The following FAM20C variants were observed in gnomAD, a reference collection of about 807,000 sequenced individuals.
FAM20C encodes the protein extracellular serine/threonine protein kinase FAM20C.
In FAM20C, 40 loss-of-function variants were observed where a neutral mutation model predicts 51.5. The ratio of observed to expected loss-of-function variants is 0.78; its 90% CI spans 0.60 to 1.01. The LOEUF (loss-of-function observed/expected upper bound fraction) is 1.01, where lower values mean the gene tolerates loss of function less well. Among genes scored for constraint, FAM20C ranks in the 50% least tolerant of loss-of-function variants. The probability of loss-of-function intolerance (pLI) is 0.00; values close to 1 mark genes in which losing one functional copy is unlikely to be tolerated. For synonymous variants in FAM20C, 406 were observed against 380.6 expected, an observed-to-expected ratio of 1.07 and a Z score of -0.78; for missense variants, 861 against 844.7, an observed-to-expected ratio of 1.02 and a Z score of -0.24.
At chr7:245,294 G>T in intron 3 of FAM20C, among the ~76,000 whole-genome samples, 1 of 103,336 alleles carries the variant, frequency 9.7e-6, no homozygotes, top group South Asian at 2.7e-4. Flanking sequence ...GGGGATTCCC[G>T]CCAGCTCTGG....
At chr7:258,576 G>C in intron 8 of FAM20C, 70 bp from the exon 9 acceptor site, 1 of 1,487,850 alleles carries the variant, frequency 6.7e-7, no homozygotes, top group Non-Finnish European at 9.1e-7. Flanking sequence ...CCATGGCCCA[G>C]CTCCCAGCCC....
In FAM20C at chr7:216,706, A is replaced by AGTGTGTGTGT. The variant is rs140397697; in HGVS notation, c.863+7741_863+7750dup. The stretch of plus-strand genomic sequence containing the variant: ...GAGAGTGTGTGTGTGTGTGAGACAG[A>AGTGTGTGTGT]GTGTGTGTGTGTGTGTGTGTCCGTC... On this transcript the variant is annotated intron_variant, in intron 3 of 9. Transcript: ENST00000313766. 3.4e-5 allele frequency among the ~76,000 whole-genome samples: 5 copies of AGTGTGTGTGT among 148,406 alleles called. No homozygotes were observed. The East Asian group carries it at 1.0e-3, about 30-fold the overall frequency.
At chr7:233,816 G>T (rs1787771384) in intron 3 of FAM20C, among the ~76,000 whole-genome samples, 1 of 152,214 alleles carries the variant, frequency 6.6e-6, no homozygotes, top group South Asian at 2.1e-4. Context: ...GCCACGAAAG[G>T]CCTGGGAGAG....
chr7:202,248 C>T (rs1444078951), intron 2 of FAM20C, among the ~76,000 whole-genome samples: 3 of 151,562 alleles, frequency 2.0e-5, no homozygotes, highest in Non-Finnish European at 4.4e-5. Context: ...TGGACATCTT[C>T]CCGTGTGCAT....
Position 260,227 on chromosome 7 carries a change from A to T in FAM20C, c.*247A>T. ...GACAGAGGCGGCCGGCGCCGGAGGC[A>T]TTCCATCCTTTCTGTAGGGAAAGGA... On this transcript the variant is annotated 3_prime_UTR_variant, in exon 10 of 10. Coordinates refer to ENST00000313766, the MANE Select transcript of FAM20C (RefSeq NM_020223.4). The T allele has an allele frequency of 2.2e-6, 1 of 461,508 alleles. No homozygotes were observed. Among genetic ancestry groups the T allele is most frequent in the Non-Finnish European group, 3.8e-6 (1 of 265,126 alleles). 28.6% of individuals were successfully genotyped at this position (461,508 alleles called of 1,614,324 possible). A position where few individuals can be genotyped will look rare whatever the true frequency, so the allele number is the denominator to read the frequency against.
intron 9 of FAM20C, 120 bp from the exon 10 acceptor site, chr7:259,605 TGTCCCC>T: frequency 1.0e-6 from 1 of 972,712 alleles, no homozygotes; most frequent in Non-Finnish European, 1.3e-6. Context: ...TCTCTGTCTC[TGTCCCC>T]CTCTTTCTCT....
At position 241,090 on chromosome 7, in the gene FAM20C, G is replaced by T. The variant is rs967014823; in HGVS notation, c.864-5325G>T. Among the ~76,000 whole-genome samples, 203 of 152,206 alleles carry T rather than the reference G, an allele frequency of 1.3e-3. 1 individual carries two copies. The highest frequency in any genetic ancestry group is 4.4e-3 in the African/African-American group (182 of 41,508). On this transcript the variant is annotated intron_variant, in intron 3 of 9. Transcript: ENST00000313766. ...GCTGGGGTGAGCTTCGGGGTGAATT[G>T]TCCTAAAGGGGTGGTTTGTTGGAAG...
At chr7:248,898 A>C (rs1309130985) in intron 5 of FAM20C, among the ~76,000 whole-genome samples, 1 of 151,862 alleles carries the variant, frequency 6.6e-6, no homozygotes, top group East Asian at 1.9e-4. Context: ...GCCCCCTTCC[A>C]CACCAGGGTG....
intron 3 of FAM20C, among the ~76,000 whole-genome samples, chr7:211,866 C>CCA (rs1786734895): frequency 6.6e-6 from 1 of 152,214 alleles, no homozygotes; most frequent in Admixed American, 6.5e-5. Flanking sequence ...GGCAGGGACC[C>CCA]CACACCTCAG....
intron 6 of FAM20C, 138 bp downstream of exon 6, chr7:256,167 G>C: frequency 9.2e-7 from 1 of 1,089,492 alleles, no homozygotes; most frequent in Non-Finnish European, 1.3e-6. Context: ...TGGCCTGTGT[G>C]AGATGACCGC....
At chr7:212,005 A>G (rs1284000260) in intron 3 of FAM20C, among the ~76,000 whole-genome samples, 1 of 152,152 alleles carries the variant, frequency 6.6e-6, no homozygotes, top group African/African-American at 2.4e-5. Flanking sequence ...TGGATCTGTC[A>G]TTGATGGAGG....
At chr7:193,834 C>A (rs1392724314) in intron 1 of FAM20C, 30 bp downstream of exon 1, 4 of 1,545,846 alleles carry the variant, frequency 2.6e-6, no homozygotes, top group Admixed American at 1.9e-5. Flanking sequence ...TGCCCACCCC[C>A]AAGGGAGCCG....
chr7:211,803 G>A (rs963011191), intron 3 of FAM20C, among the ~76,000 whole-genome samples: 12 of 152,220 alleles, frequency 7.9e-5, no homozygotes, highest in East Asian at 1.9e-4. Context: ...AGGCCGTGGC[G>A]TCCAGAGGCT....
chr7:241,556 T>TTGTGTGTGTGTG (rs1221493976), intron 3 of FAM20C, among the ~76,000 whole-genome samples: 6 of 148,952 alleles, frequency 4.0e-5, no homozygotes, highest in African/African-American at 1.5e-4. Context: ...TCTGTGGGGG[T>TTGTGTGTGTGTG]TGTGTGTGTG....
chr7:247,342 G>C (rs1487098792), intron 4 of FAM20C, among the ~76,000 whole-genome samples: 1 of 152,162 alleles, frequency 6.6e-6, no homozygotes, highest in Non-Finnish European at 1.5e-5. Flanking sequence ...ACCTTGCCCT[G>C]GTGCAGTGGA....
rs957382509 is a variant in FAM20C at position 255,956 on chromosome 7, G to A, written c.1180G>A (p.Asp394Asn). 26 of 1,536,080 alleles carry A rather than the reference G, an allele frequency of 1.7e-5. No individual in the cohort carries two copies. Among genetic ancestry groups the A allele is most frequent in the African/African-American group, 8.2e-5 (6 of 73,040 alleles). The change falls in exon 6 of 10, where the codon GAC (aspartate) becomes AAC (asparagine). Residue 394 changes from aspartate to asparagine, a missense_variant. Asp to Asn is a conservative substitution (Grantham distance 23). Coordinates refer to ENST00000313766, the MANE Select transcript of FAM20C (RefSeq NM_020223.4). Reference protein sequence around the residue: ...IEGSLAAFLPDLSLAKRKTWR... With the variant: ...IEGSLAAFLPNLSLAKRKTWR... ...GGGCTCGCTGGCGGCCTTCCTGCCC[G>A]ACCTGTCCCTGGCCAAGAGGAAGAC...
chr7:243,936 A>AT (rs1181326359), intron 3 of FAM20C, among the ~76,000 whole-genome samples: 260 of 129,752 alleles, frequency 2.0e-3, no homozygotes, highest in Non-Finnish European at 2.5e-3. Context: ...AATAATAATA[A>AT]TAATAATAAT....
chr7:194,837 G>A (rs1785771372), intron 1 of FAM20C, among the ~76,000 whole-genome samples: 1 of 151,174 alleles, frequency 6.6e-6, no homozygotes, highest in African/African-American at 2.4e-5. Flanking sequence ...TCAGCTTTAG[G>A]TGAATTCGAG....
rs556022834 is a variant in FAM20C, at chr7:210,360, G to C, written c.863+1384G>C. Among the ~76,000 whole-genome samples the C allele has an allele frequency of 1.2e-3, 182 of 152,288 alleles. 3 individuals are homozygous for C. The highest frequency in any genetic ancestry group is 4.3e-3 in the African/African-American group (179 of 41,564). On this transcript the variant is annotated intron_variant, in intron 3 of 9. Coordinates refer to ENST00000313766, the MANE Select transcript of FAM20C (RefSeq NM_020223.4). ...GAGAGATGGCGTCGCCCGGAGACCT[G>C]AGGGTCTCCTGGGTTACGTGAAGGA...
Sources: gnomAD v4.1 joint callset for allele counts (sites outside exome capture counted in the v4.1 genomes callset) on GRCh38, gnomAD v4.1.1 for gene constraint, MANE v1.5 for transcripts, NCBI Gene and HGNC (gene_info 2026-07-23, HGNC 2026-07-21) for gene names.